The following TMEM131 variants were observed in gnomAD, a reference collection of about 807,000 sequenced individuals.
The protein encoded by TMEM131 is 2610524E03Rik.
Under a neutral mutation model 211.6 loss-of-function variants are expected in TMEM131, and 66 were observed. The ratio of observed to expected loss-of-function variants is 0.31; its 90% CI spans 0.26 to 0.38. The LOEUF is 0.38. Among genes scored for constraint, TMEM131 ranks in the 10% least tolerant of loss-of-function variants. TMEM131 has a pLI of 1.00. For missense variants in TMEM131, 2,036 were observed against 2,299.3 expected, an observed-to-expected ratio of 0.89 and a Z score of 2.34; for synonymous variants, 844 against 841.3, an observed-to-expected ratio of 1.00 and a Z score of -0.06.
chr2:97,849,642 T>C (rs546567338), intron 5 of TMEM131, among the ~76,000 whole-genome samples: 5 of 150,990 alleles, frequency 3.3e-5, no homozygotes, highest in South Asian at 4.2e-4. Context: ...CAAATACATA[T>C]AAAATATATA....
chr2:97,945,136 C>CA (rs1337684031), intron 1 of TMEM131, among the ~76,000 whole-genome samples: 8 of 152,002 alleles, frequency 5.3e-5, no homozygotes, highest in Non-Finnish European at 8.8e-5. Context: ...TCAGCCACAA[C>CA]AAAAAGGAAT....
rs371444617 is a variant in TMEM131, at chr2:97,772,997, G to A, written c.4321-573C>T. 4.6e-5 allele frequency among the ~76,000 whole-genome samples: 7 copies of A among 152,366 alleles called. No homozygotes were observed. The East Asian group carries it at 9.6e-4, about 21-fold the overall frequency. On this transcript the variant is annotated intron_variant, in intron 32 of 40. Coordinates refer to ENST00000186436, the MANE Select transcript of TMEM131 (RefSeq NM_015348.2). The stretch of plus-strand genomic sequence containing the variant: ...CATATCCTGACTGGAGATGGTGGTG[G>A]CAGTGGCAGTAGCAAATTGGTAGCT...
intron 31 of TMEM131, among the ~76,000 whole-genome samples, chr2:97,784,928 A>G (rs1680180435): frequency 6.6e-6 from 1 of 152,180 alleles, no homozygotes; most frequent in Admixed American, 6.5e-5. Flanking sequence ...GAAACAAAAC[A>G]GAATATTCCT....
intron 5 of TMEM131, among the ~76,000 whole-genome samples, chr2:97,856,083 AT>A (rs2105162791): frequency 6.6e-6 from 1 of 152,308 alleles, no homozygotes; most frequent in South Asian, 2.1e-4. Context: ...CTTCTAGTCA[AT>A]AAAGAAAACA....
intron 22 of TMEM131, among the ~76,000 whole-genome samples, chr2:97,803,244 A>T (rs1429190046): frequency 1.3e-5 from 2 of 152,234 alleles, no homozygotes; most frequent in Non-Finnish European, 2.9e-5. Flanking sequence ...CAGGGTGCTA[A>T]AAACATTTTC....
intron 3 of TMEM131, among the ~76,000 whole-genome samples, chr2:97,889,768 C>T (rs75926760): frequency 6.6e-6 from 1 of 151,934 alleles, no homozygotes; most frequent in East Asian, 1.9e-4. Context: ...AAGTATATAC[C>T]CCATCCATTC....
chr2:97,891,655 A>C (rs983394976), intron 3 of TMEM131, among the ~76,000 whole-genome samples: 2 of 152,142 alleles, frequency 1.3e-5, no homozygotes, highest in Non-Finnish European at 2.9e-5. Flanking sequence ...GAAACTCCCA[A>C]ATCAAACATA....
chr2:97,828,628 G>T (rs908042640), intron 11 of TMEM131, among the ~76,000 whole-genome samples: 1 of 152,218 alleles, frequency 6.6e-6, no homozygotes, highest in African/African-American at 2.4e-5. Context: ...TTTGGCAGCA[G>T]TGACTCTCCA....
chr2:97,959,527 T>C (rs751407126), intron 1 of TMEM131, among the ~76,000 whole-genome samples: 3 of 151,464 alleles, frequency 2.0e-5, no homozygotes, highest in African/African-American at 7.3e-5. Flanking sequence ...CTCTCTCTCA[T>C]ATATATGAGA....
In TMEM131 at chr2:97,796,847, C is replaced by T. The variant is rs765748086; in HGVS notation, c.3010G>A (p.Asp1004Asn). ...TGAAACTGTTAGGAAGACTTACTAT[C>T]TGTACAATCTTTTAACAATGCTTCC... is the stretch of plus-strand genomic sequence containing the variant. ...ITEALLKDCT[D>N]SLKLREPNFT... The change falls in exon 27 of 41, where the codon GAT becomes AAT. Residue 1004 changes from aspartate to asparagine, a missense_variant. By Grantham distance (23) the Asp-to-Asn change is conservative (BLOSUM62 1). Around this residue, in one of 3 missense-constraint regions of TMEM131, gnomAD observed 1,623 missense variants for 1,805.9 expected, o/e 0.90. Coordinates refer to ENST00000186436, the MANE Select transcript of TMEM131 (RefSeq NM_015348.2). 1 of 1,612,964 alleles carries T rather than the reference C, an allele frequency of 6.2e-7. No individual in the cohort carries two copies. The highest frequency in any genetic ancestry group is 1.3e-5 in the African/African-American group (1 of 74,904).
Position 97,995,756 on chromosome 2 carries a change from G to A in TMEM131, c.-94C>T. On this transcript the variant is annotated 5_prime_UTR_variant, in exon 1 of 41. Coordinates refer to ENST00000186436, the MANE Select transcript of TMEM131 (RefSeq NM_015348.2). ...GGAAGCCGTGGTCCGGGCTCTGGCCGCGGCGCCGGGAGCGACAACGGTTGC... is the reference window on the plus strand; with the variant it reads ...GGAAGCCGTGGTCCGGGCTCTGGCCACGGCGCCGGGAGCGACAACGGTTGC... 1 of 971,946 alleles carries A rather than the reference G, an allele frequency of 1.0e-6. No individual in the cohort carries two copies. Among genetic ancestry groups the A allele is most frequent in the Non-Finnish European group, 1.3e-6 (1 of 781,904 alleles). The allele number at this position is 971,946 out of a possible 1,614,324, so 60.2% of individuals were successfully genotyped here. A position where few individuals can be genotyped will look rare whatever the true frequency, so the allele number is the denominator to read the frequency against.
At chr2:97,936,448 G>T (rs985165870) in intron 1 of TMEM131, among the ~76,000 whole-genome samples, 3 of 152,326 alleles carry the variant, frequency 2.0e-5, no homozygotes, top group Middle Eastern at 6.8e-3. Context: ...GCTGTCAACT[G>T]CCCGGCTGAG....
chr2:97,928,828 G>A (rs536177227), intron 1 of TMEM131, among the ~76,000 whole-genome samples: 4 of 151,870 alleles, frequency 2.6e-5, no homozygotes, highest in South Asian at 2.1e-4. Context: ...GAAACAAGGC[G>A]GGGGAGGCCA....
intron 11 of TMEM131, among the ~76,000 whole-genome samples, chr2:97,820,646 C>G (rs554887806): frequency 6.6e-6 from 1 of 152,102 alleles, no homozygotes; most frequent in African/African-American, 2.4e-5. Context: ...ATCATGAGGT[C>G]AGGAGTTCAA....
chr2:97,887,916 T>A, intron 4 of TMEM131, 136 bp downstream of exon 4: 1 of 635,652 alleles, frequency 1.6e-6, no homozygotes, highest in South Asian at 2.2e-5. Flanking sequence ...CTGCATTCAG[T>A]ATCATTTGTT....
intron 5 of TMEM131, among the ~76,000 whole-genome samples, chr2:97,849,792 G>A (rs1673529538): frequency 7.4e-6 from 1 of 135,542 alleles, no homozygotes; most frequent in African/African-American, 2.8e-5. Flanking sequence ...GCATATTTTA[G>A]CCTGGACCTT....
At position 97,938,107 on chromosome 2, in the gene TMEM131, G is replaced by A. The variant is rs540649670; in HGVS notation, c.188-10620C>T. Among the ~76,000 whole-genome samples the A allele has an allele frequency of 2.6e-5, 4 of 152,336 alleles. No individual in the cohort carries two copies. In the East Asian group the frequency reaches 5.8e-4, roughly 22 times the overall value. ...TTGTAAAGACCATCAAGGCTAGGAA[G>A]AAACTGTATCAACTAACGAGCAAAA... On this transcript the variant is annotated intron_variant, in intron 1 of 40. Transcript: ENST00000186436.
chr2:97,949,212 A>G (rs1490582781), intron 1 of TMEM131, among the ~76,000 whole-genome samples: 1 of 152,218 alleles, frequency 6.6e-6, no homozygotes, highest in Non-Finnish European at 1.5e-5. Context: ...GCAACATTAC[A>G]GACAAATCTA....
At chr2:97,973,434 T>G (rs1337689354) in intron 1 of TMEM131, among the ~76,000 whole-genome samples, 1 of 152,190 alleles carries the variant, frequency 6.6e-6, no homozygotes. Context: ...TAGGCCACAG[T>G]GCAGGGAGGG....
Sources: allele counts gnomAD v4.1 joint callset (sites outside exome capture counted in the v4.1 genomes callset), GRCh38; gene constraint gnomAD v4.1.1; regional missense constraint gnomAD v4.1.1; transcripts MANE v1.5; gene names NCBI Gene and HGNC (gene_info 2026-07-23, HGNC 2026-07-21).